The following ANXA3 variants were observed in gnomAD, a reference collection of about 807,000 sequenced individuals.
ANXA3 encodes the protein 35-alpha calcimedin.
Under a neutral mutation model 48.8 loss-of-function variants are expected in ANXA3, and 46 were observed. The ratio of observed to expected loss-of-function variants is 0.94; its 90% CI spans 0.74 to 1.21. The LOEUF (loss-of-function observed/expected upper bound fraction) is 1.21. Ranked by LOEUF, ANXA3 falls within the 50% of genes most tolerant of loss-of-function variation. The pLI, the probability that ANXA3 is intolerant of heterozygous loss-of-function variation, is 0.00. For synonymous variants in ANXA3, 128 were observed against 134.7 expected (o/e 0.95, Z 0.35); for missense variants, 383 against 378.6 (o/e 1.01, Z -0.10).
chr4:78,603,473 A>C (rs1206212284), intron 11 of ANXA3: 1 of 152,042 alleles, frequency 6.6e-6, no homozygotes, highest in Non-Finnish European at 1.5e-5. Context: ...CTCCATCCCT[A>C]CTGCCTTTAT....
chr4:78,594,682 A>G (rs1329600813), intron 7 of ANXA3, among the ~76,000 whole-genome samples: 1 of 152,200 alleles, frequency 6.6e-6, no homozygotes, highest in Non-Finnish European at 1.5e-5. Flanking sequence ...TTCTTTGGTG[A>G]GATGTCTGTT....
At chr4:78,571,628 C>A (rs1260303371) in intron 2 of ANXA3, among the ~76,000 whole-genome samples, 1 of 152,062 alleles carries the variant, frequency 6.6e-6, no homozygotes, top group Non-Finnish European at 1.5e-5. Flanking sequence ...TATTCAGTAA[C>A]AGGATAGAAA....
At chr4:78,582,516 C>A in intron 5 of ANXA3, 1 of 441,356 alleles carries the variant, frequency 2.3e-6, no homozygotes, top group Non-Finnish European at 4.0e-6. Flanking sequence ...CATGAAGAGT[C>A]AAGTTCTCTA....
At chr4:78,595,540 CTTTT>C in intron 8 of ANXA3, 103 bp downstream of exon 8, 7 of 991,436 alleles carry the variant, frequency 7.1e-6, no homozygotes, top group Admixed American at 2.9e-5. Flanking sequence ...AGGGACTTTT[CTTTT>C]TTTTTTTTTC....
chr4:78,586,175 C>G, intron 5 of ANXA3, 85 bp from the exon 6 acceptor site: 3 of 942,302 alleles, frequency 3.2e-6, no homozygotes, highest in Non-Finnish European at 4.9e-6. Flanking sequence ...GTCCTTTCAT[C>G]TATATAAACA....
chr4:78,576,289 T>G (rs1467694974), intron 3 of ANXA3, among the ~76,000 whole-genome samples: 1 of 152,152 alleles, frequency 6.6e-6, no homozygotes, highest in Non-Finnish European at 1.5e-5. Context: ...AGTTATTTCT[T>G]CATTTATCTC....
chr4:78,563,831 A>G (rs1419510301), intron 2 of ANXA3, among the ~76,000 whole-genome samples: 2 of 152,142 alleles, frequency 1.3e-5, no homozygotes, highest in East Asian at 1.9e-4. Flanking sequence ...TAAATTCTCT[A>G]TATATTCCTG....
chr4:78,582,138 A>T (rs1723083680), intron 4 of ANXA3, 39 bp from the exon 5 acceptor site: 1 of 1,393,814 alleles, frequency 7.2e-7, no homozygotes. Flanking sequence ...AAGAGAAAAA[A>T]AGTATTTCAC....
intron 1 of ANXA3, among the ~76,000 whole-genome samples, chr4:78,553,382 G>A (rs1235794977): frequency 5.3e-5 from 8 of 152,096 alleles, no homozygotes; most frequent in Non-Finnish European, 1.0e-4. Flanking sequence ...ACACAGATAA[G>A]AAGAATCTCC....
chr4:78,579,014 T>C lies in ANXA3; in HGVS notation c.104-13T>C. The C allele has an allele frequency of 6.3e-7, 1 of 1,579,240 alleles. No homozygotes were observed. Among genetic ancestry groups the C allele is most frequent in the Non-Finnish European group, 8.7e-7 (1 of 1,149,728 alleles). On this transcript the variant is annotated splice_polypyrimidine_tract_variant and intron_variant, in intron 3 of 12. Coordinates refer to ENST00000264908, the MANE Select transcript of ANXA3 (RefSeq NM_005139.3). ...GCATAAATATTGAGTAAAATAACTT[T>C]TGTTTCATTTAGGAACTGATGAGAA...
chr4:78,554,501 T>G lies in ANXA3; in HGVS notation c.15+13T>G, dbSNP rs1451839197. The G allele has an allele frequency of 1.9e-6, 3 of 1,612,610 alleles. No individual in the cohort carries two copies. The highest frequency in any genetic ancestry group is 2.5e-6 in the Non-Finnish European group (3 of 1,179,010). ...GGCATCTATCTGGGTAAGTAAAAAT[T>G]AAGCCTTCACAACACAGTAACATAT... On this transcript the variant is annotated intron_variant, in intron 2 of 12. Transcript: ENST00000264908.
chr4:78,588,083 G>A (rs1046380561), intron 6 of ANXA3, among the ~76,000 whole-genome samples: 1 of 152,178 alleles, frequency 6.6e-6, no homozygotes, highest in African/African-American at 2.4e-5. Flanking sequence ...GCAACAGAAT[G>A]AGATTCCATC....
At chr4:78,601,395 G>T (rs1199184386) in intron 10 of ANXA3, 115 bp from the exon 11 acceptor site, 3 of 857,844 alleles carry the variant, frequency 3.5e-6, no homozygotes, top group East Asian at 2.7e-5. Context: ...CAGTTGTGGG[G>T]AGGGGATAGA....
At chr4:78,580,066 T>A (rs1485410549) in intron 4 of ANXA3, among the ~76,000 whole-genome samples, 1 of 152,268 alleles carries the variant, frequency 6.6e-6, no homozygotes, top group African/African-American at 2.4e-5. Flanking sequence ...AAAAAGCACA[T>A]CCTGCCTTCT....
chr4:78,566,862 T>A (rs1277703089), intron 2 of ANXA3, among the ~76,000 whole-genome samples: 1 of 152,220 alleles, frequency 6.6e-6, no homozygotes, highest in African/African-American at 2.4e-5. Flanking sequence ...TATTTTTTCT[T>A]TGAGTGAGCC....
intron 10 of ANXA3, among the ~76,000 whole-genome samples, chr4:78,598,534 A>C (rs905185735): frequency 1.3e-5 from 2 of 149,416 alleles, no homozygotes; most frequent in South Asian, 2.1e-4. Flanking sequence ...TACATTGTTA[A>C]TCTTTTTTTC....
chr4:78,572,632 G>A (rs1722861798), intron 2 of ANXA3, among the ~76,000 whole-genome samples: 1 of 152,158 alleles, frequency 6.6e-6, no homozygotes. Flanking sequence ...GGAGTTGCTG[G>A]TCTGGGTGGG....
chr4:78,561,689 T>G (rs1334396563), intron 2 of ANXA3, among the ~76,000 whole-genome samples: 1 of 152,050 alleles, frequency 6.6e-6, no homozygotes, highest in Non-Finnish European at 1.5e-5. Context: ...TCAAGCTTGG[T>G]GACTATTTTC....
chr4:78,610,164 C>T lies in ANXA3; in HGVS notation c.*49C>T, dbSNP rs188187309. ...TCCACGATGGGCTTTCCCAACAGCT[C>T]CACCTTACTTCTTCTCATACTATTT... On this transcript the variant is annotated 3_prime_UTR_variant, in exon 13 of 13. Coordinates refer to ENST00000264908, the MANE Select transcript of ANXA3 (RefSeq NM_005139.3). 1.0e-4 allele frequency: 134 copies of T among 1,328,934 alleles called. No homozygotes were observed. In the Admixed American group the frequency reaches 2.4e-3, roughly 23 times the overall value. The allele number at this position is 1,328,934 out of a possible 1,614,324, so 82.3% of individuals were successfully genotyped here. A position where few individuals can be genotyped will look rare whatever the true frequency, so the allele number is the denominator to read the frequency against.
Sources: gnomAD v4.1 joint callset for allele counts (sites outside exome capture counted in the v4.1 genomes callset) on GRCh38, gnomAD v4.1.1 for gene constraint, MANE v1.5 for transcripts, NCBI Gene and HGNC (gene_info 2026-07-23, HGNC 2026-07-21) for gene names.